The following AHCY variants were observed in gnomAD, a reference collection of about 807,000 sequenced individuals.
AHCY encodes the protein adenosylhomocysteinase.
A neutral mutation model predicts 45.4 loss-of-function variants in AHCY; 24 were observed. The observed-to-expected ratio is 0.53, with a 90% CI of 0.38 to 0.74. AHCY has a LOEUF of 0.74. Ranked by LOEUF, AHCY falls within the 30% of genes least tolerant of loss-of-function variation. AHCY has a pLI of 0.00. For synonymous variants in AHCY, 245 were observed against 235.1 expected (o/e 1.04, Z -0.39); for missense variants, 449 against 594.1 (o/e 0.76, Z 2.54).
chr20:34,267,500 T>C, the AHCY span, among the ~76,000 whole-genome samples: 2 of 147,300 alleles, frequency 1.4e-5, no homozygotes, highest in Non-Finnish European at 3.0e-5. Context: ...TGATGTGAGC[T>C]ACATAATTTT....
Position 34,295,624 on chromosome 20 carries a change from C to A in AHCY, c.29-39G>T, listed in dbSNP as rs59615617. The stretch of plus-strand genomic sequence containing the variant: ...CAGGTGGGAGTTCCGTGAGTCCCCT[C>A]ATCCCACCAACCAAGAGGGGCGGTC... On this transcript the variant is annotated intron_variant, in intron 1 of 9. Transcript: ENST00000217426. 62 of 1,604,358 alleles carry A rather than the reference C, an allele frequency of 3.9e-5. No individual in the cohort carries two copies. The East Asian group carries it at 9.2e-4, about 24-fold the overall frequency.
At chr20:34,281,240 A>T (rs2035993278) in intron 9 of AHCY, 75 bp from the exon 10 acceptor site, 17 of 1,595,648 alleles carry the variant, frequency 1.1e-5, no homozygotes, top group Non-Finnish European at 1.3e-5. Context: ...CTGCCAATAG[A>T]GGCAGAAGTG....
the AHCY span, among the ~76,000 whole-genome samples, chr20:34,274,600 G>C: frequency 2.0e-5 from 3 of 151,972 alleles, no homozygotes; most frequent in Non-Finnish European, 4.4e-5. Context: ...TCTTTTCTTG[G>C]GTCAGTACTT....
chr20:34,293,337 C>T lies in AHCY; in HGVS notation c.295+744G>A, dbSNP rs116926143. 6.7e-3 allele frequency: 1,061 copies of T among 157,674 alleles called. 5 individuals carry two copies. The highest frequency in any genetic ancestry group is 0.038 in the Middle Eastern group (11 of 292). The allele number at this position is 157,674 out of a possible 1,614,324, so 9.8% of individuals were successfully genotyped here. A position where few individuals can be genotyped will look rare whatever the true frequency, so the allele number is the denominator to read the frequency against. On this transcript the variant is annotated intron_variant, in intron 3 of 9. Transcript: ENST00000217426. ...CCAGGAGCCTCTTGTGAGCAAAGGA[C>T]GCTGGCCAAGCAGAGCCAGCTGCTT...
chr20:34,249,822 T>C, the AHCY span, among the ~76,000 whole-genome samples: 1 of 152,182 alleles, frequency 6.6e-6, no homozygotes, highest in African/African-American at 2.4e-5. Flanking sequence ...GAGAACCCAT[T>C]ATGGACCCAG....
the AHCY span, among the ~76,000 whole-genome samples, chr20:34,237,845 GTT>G: frequency 6.6e-6 from 1 of 151,018 alleles, no homozygotes; most frequent in Non-Finnish European, 1.5e-5. Flanking sequence ...TTTGTGGAGT[GTT>G]TTTTTTTATC....
chr20:34,257,070 C>CTTTTTTTTTTTTTTTTTTT, the AHCY span, among the ~76,000 whole-genome samples: 6 of 139,422 alleles, frequency 4.3e-5, no homozygotes, highest in African/African-American at 7.9e-5. Flanking sequence ...CTTTCTTTCT[C>CTTTTTTTTTTTTTTTTTTT]TTTTTTTTTT....
chr20:34,247,582 T>C, the AHCY span, among the ~76,000 whole-genome samples: 1 of 151,574 alleles, frequency 6.6e-6, no homozygotes, highest in Admixed American at 6.6e-5. Context: ...CAGGCATGAG[T>C]CACTGTACCC....
the AHCY span, among the ~76,000 whole-genome samples, chr20:34,248,662 T>C: frequency 6.6e-6 from 1 of 152,020 alleles, no homozygotes; most frequent in South Asian, 2.1e-4. Flanking sequence ...TGGCCTGGTG[T>C]GGTGGCTCAC....
chr20:34,304,931 G>T (rs374865168), upstream of AHCY, among the ~76,000 whole-genome samples: 1 of 151,348 alleles, frequency 6.6e-6, no homozygotes, highest in Admixed American at 6.6e-5. Flanking sequence ...CAGGTGATCC[G>T]CCAGCCTCTG....
At chr20:34,253,109 T>A in the AHCY span, among the ~76,000 whole-genome samples, 1 of 152,132 alleles carries the variant, frequency 6.6e-6, no homozygotes, top group Admixed American at 6.6e-5. Context: ...CTCTTTCTTT[T>A]TTTTTTATTT....
chr20:34,285,186 G>T (rs2036130972), intron 9 of AHCY, among the ~76,000 whole-genome samples: 1 of 152,180 alleles, frequency 6.6e-6, no homozygotes, highest in Non-Finnish European at 1.5e-5. Context: ...ACTGGGGTGT[G>T]TCCCGCTCCA....
intron 8 of AHCY, among the ~76,000 whole-genome samples, chr20:34,287,992 C>G (rs1489527709): frequency 6.6e-6 from 1 of 152,214 alleles, no homozygotes; most frequent in African/African-American, 2.4e-5. Context: ...ACCTGTGATG[C>G]CTTTGCAAAA....
At chr20:34,235,858 AAGGAAGGAAAG>A in the AHCY span, among the ~76,000 whole-genome samples, 1 of 35,436 alleles carries the variant, frequency 2.8e-5, no homozygotes, top group African/African-American at 4.3e-4. Flanking sequence ...GGAAGGAAGG[AAGGAAGGAAAG>A]GAAGGAAGGA....
intron 1 of AHCY, among the ~76,000 whole-genome samples, chr20:34,298,188 C>A (rs1836187694): frequency 1.3e-5 from 2 of 151,916 alleles, no homozygotes; most frequent in Admixed American, 1.3e-4. Flanking sequence ...GCAAGCCACC[C>A]AGGCACCGAG....
chr20:34,262,125 A>G, the AHCY span, among the ~76,000 whole-genome samples: 2 of 152,168 alleles, frequency 1.3e-5, no homozygotes, highest in African/African-American at 4.8e-5. Flanking sequence ...AAGAAAAAAA[A>G]AAGAAGAAGA....
At chr20:34,260,413 C>G in the AHCY span, 1 of 1,614,146 alleles carries the variant, frequency 6.2e-7, no homozygotes, top group Non-Finnish European at 8.5e-7. Context: ...CCCTGCTGGT[C>G]TTCCTCTGCT....
chr20:34,306,064 A>G (rs1204880797), upstream of AHCY, among the ~76,000 whole-genome samples: 1 of 147,004 alleles, frequency 6.8e-6, no homozygotes, highest in Non-Finnish European at 1.5e-5. Context: ...CCTGGGTGAC[A>G]GAACAAGACT....
At chr20:34,246,459 G>T in the AHCY span, 1 of 1,402,058 alleles carries the variant, frequency 7.1e-7, no homozygotes. Context: ...AGGACTCGAA[G>T]TGGGTAATTG....
Sources: allele counts gnomAD v4.1 joint callset (sites outside exome capture counted in the v4.1 genomes callset), GRCh38; gene constraint gnomAD v4.1.1; transcripts MANE v1.5; gene names NCBI Gene and HGNC (gene_info 2026-07-23, HGNC 2026-07-21).